The following BCAS3 variants were observed in gnomAD, a reference collection of about 807,000 sequenced individuals.
BCAS3 encodes BCAS3 microtubule associated cell migration factor, also known as BCAS4/BCAS3 fusion.
Under a neutral mutation model 116.1 loss-of-function variants are expected in BCAS3, and 53 were observed. The observed-to-expected ratio is 0.46, with a 90% CI of 0.37 to 0.57. The LOEUF is 0.57. Among genes scored for constraint, BCAS3 ranks in the 20% least tolerant of loss-of-function variants. BCAS3 has a pLI of 0.00. For synonymous variants in BCAS3, 391 were observed against 408.2 expected, an observed-to-expected ratio of 0.96 and a Z score of 0.51; for missense variants, 917 against 1,165.4, an observed-to-expected ratio of 0.79 and a Z score of 3.10.
At chr17:60,782,242 T>A (rs1208100501) in intron 6 of BCAS3, among the ~76,000 whole-genome samples, 1 of 152,228 alleles carries the variant, frequency 6.6e-6, no homozygotes, top group Non-Finnish European at 1.5e-5. Flanking sequence ...AATAATTGCC[T>A]GCTGTATTGA....
At chr17:61,067,822 T>G (rs2070888327) in intron 19 of BCAS3, among the ~76,000 whole-genome samples, 2 of 151,826 alleles carry the variant, frequency 1.3e-5, no homozygotes, top group African/African-American at 4.8e-5. Flanking sequence ...TAAGTGATTT[T>G]TTAGCTCTTA....
intron 22 of BCAS3, among the ~76,000 whole-genome samples, chr17:61,319,157 G>T (rs1029812609): frequency 3.3e-5 from 5 of 152,026 alleles, no homozygotes; most frequent in Non-Finnish European, 7.4e-5. Context: ...TCTACCCCGG[G>T]CCTACACCCC....
At chr17:61,091,341 C>T (rs568201736) in intron 22 of BCAS3, among the ~76,000 whole-genome samples, 4 of 152,188 alleles carry the variant, frequency 2.6e-5, no homozygotes, top group Admixed American at 2.6e-4. Context: ...TACTGTGCCT[C>T]TCATACAGGG....
intron 4 of BCAS3, among the ~76,000 whole-genome samples, chr17:60,690,909 G>C (rs535367177): frequency 1.3e-5 from 2 of 151,966 alleles, no homozygotes; most frequent in Admixed American, 1.3e-4. Flanking sequence ...GACAGAGCGA[G>C]ACTTTGTCTC....
rs571729108 is a variant in BCAS3 at position 60,717,495 on chromosome 17, C to T, written c.321+8170C>T. Among the ~76,000 whole-genome samples the T allele has an allele frequency of 1.1e-4, 17 of 152,178 alleles. No homozygotes were observed. The South Asian group carries it at 1.9e-3, about 17-fold the overall frequency. On this transcript the variant is annotated intron_variant, in intron 5 of 23. Transcript: ENST00000407086. ...CCTCCCAAAGTGCTGGGATTACAGGCGTGAGCCACCATGCCCGGCAGAATA... is the reference window on the plus strand; with the variant it reads ...CCTCCCAAAGTGCTGGGATTACAGGTGTGAGCCACCATGCCCGGCAGAATA...
chr17:61,070,063 G>T, intron 19 of BCAS3: 2 of 1,587,276 alleles, frequency 1.3e-6, no homozygotes, highest in Non-Finnish European at 1.7e-6. Flanking sequence ...TCGGAAGAGC[G>T]CTCCCAGGAG....
At chr17:61,264,828 C>T (rs1481000899) in intron 22 of BCAS3, among the ~76,000 whole-genome samples, 1 of 152,212 alleles carries the variant, frequency 6.6e-6, no homozygotes, top group Non-Finnish European at 1.5e-5. Flanking sequence ...AGAGAGATTT[C>T]AGCCCTATCT....
chr17:61,105,889 C>G lies in BCAS3; in HGVS notation c.2425+21325C>G, dbSNP rs1306919683. Among the ~76,000 whole-genome samples the G allele has an allele frequency of 6.6e-6, 1 of 152,060 alleles. No individual in the cohort carries two copies. Among genetic ancestry groups the G allele is most frequent in the Non-Finnish European group, 1.5e-5 (1 of 68,012 alleles). ...TTGGTGTTTTATTTAAAATATTGTC[C>G]AGAAATAAACAATTCATACATGTTC... On this transcript the variant is annotated intron_variant, in intron 22 of 23. Transcript: ENST00000407086. The surrounding 1 kb of genome is among the most constrained non-coding windows in gnomAD (Gnocchi z 4.3).
chr17:60,830,307 GTTTCTTTATGTT>G (rs2050801932), intron 7 of BCAS3, among the ~76,000 whole-genome samples: 1 of 152,104 alleles, frequency 6.6e-6, no homozygotes, highest in South Asian at 2.1e-4. Flanking sequence ...TTTAAATAGT[GTTTCTTTATGTT>G]TGAGAACTGT....
rs201778806 is a variant in BCAS3 at position 61,015,899 on chromosome 17, C to T, written c.1635C>T (p.Thr545=). 3.0e-5 allele frequency: 49 copies of T among 1,613,712 alleles called. No homozygotes were observed. The highest frequency in any genetic ancestry group is 1.7e-4 in the Middle Eastern group (1 of 6,060). The part of the protein sequence containing the change: ...PMTLGTITKR[T]GKVKPPPQIS... ...CATTGGGGACCATCACCAAACGAACCGGGTAAGGCCTTAGACTTGATGCTT... is the reference window on the plus strand; with the variant it reads ...CATTGGGGACCATCACCAAACGAACTGGGTAAGGCCTTAGACTTGATGCTT... Residue 545 remains threonine, a splice_region_variant and synonymous_variant, in exon 16 of 24, where the codon ACC becomes ACT. Coordinates refer to ENST00000407086, the MANE Select transcript of BCAS3 (RefSeq NM_017679.5).
rs377401245 is a variant in BCAS3 at position 60,898,681 on chromosome 17, T to G, written c.739-3939T>G. Among the ~76,000 whole-genome samples, 27 of 152,268 alleles carry G rather than the reference T, an allele frequency of 1.8e-4. No individual in the cohort carries two copies. The East Asian group carries it at 5.0e-3, about 28-fold the overall frequency. On this transcript the variant is annotated intron_variant, in intron 10 of 23. Transcript: ENST00000407086. The stretch of plus-strand genomic sequence containing the variant: ...TTACAAGTGGGCTGATTGTTGGTCT[T>G]CCAGGTAGCTTGCTTGGATGCTGGT...
At chr17:60,992,312 C>T (rs1253569958) in intron 15 of BCAS3, among the ~76,000 whole-genome samples, 2 of 151,340 alleles carry the variant, frequency 1.3e-5, no homozygotes, top group African/African-American at 4.9e-5. Flanking sequence ...AAAAATGGGA[C>T]CTCTTTTTAC....
chr17:61,334,664 C>CAAAAAAAAAAAAAAAAAAAAAAAAAAAA (rs35400660), intron 22 of BCAS3, among the ~76,000 whole-genome samples: 1 of 50,894 alleles, frequency 2.0e-5, no homozygotes, highest in Non-Finnish European at 3.9e-5. Context: ...AACTCCATCT[C>CAAAAAAAAAAAAAAAAAAAAAAAAAAAA]AAAAAAAAAA....
At chr17:60,850,826 G>A (rs1334100643) in intron 7 of BCAS3, among the ~76,000 whole-genome samples, 1 of 152,090 alleles carries the variant, frequency 6.6e-6, no homozygotes, top group Non-Finnish European at 1.5e-5. Flanking sequence ...AGATCTATAT[G>A]AGTAAAACAA....
At chr17:61,268,636 ACAATCTCGGCTCCTGGGTT>A (rs2049967101) in intron 22 of BCAS3, among the ~76,000 whole-genome samples, 1 of 151,564 alleles carries the variant, frequency 6.6e-6, no homozygotes. Flanking sequence ...AGGCTGGAGT[ACAATCTCGGCTCCTGGGTT>A]CATGCAATTC....
At position 60,928,593 on chromosome 17, in the gene BCAS3, C is replaced by A. The variant is rs77350110; in HGVS notation, c.1087+4093C>A. Among the ~76,000 whole-genome samples, 11 of 152,308 alleles carry A rather than the reference C, an allele frequency of 7.2e-5. No individual in the cohort carries two copies. In the East Asian group the frequency reaches 2.1e-3, roughly 29 times the overall value. Reference sequence around the variant, plus strand: ...ATAGTAGCTGGTAAGCAATTACTTACAATTCTTCTTAATTATTTACTTTCA... The same window carrying A: ...ATAGTAGCTGGTAAGCAATTACTTAAAATTCTTCTTAATTATTTACTTTCA... On this transcript the variant is annotated intron_variant, in intron 13 of 23. Transcript: ENST00000407086.
At chr17:61,263,735 A>T (rs2049424737) in intron 22 of BCAS3, among the ~76,000 whole-genome samples, 1 of 152,226 alleles carries the variant, frequency 6.6e-6, no homozygotes, top group African/African-American at 2.4e-5. Flanking sequence ...AACATGTATT[A>T]TAAAGCTGTA....
intron 6 of BCAS3, among the ~76,000 whole-genome samples, chr17:60,789,383 A>G (rs2144530575): frequency 6.6e-6 from 1 of 152,298 alleles, no homozygotes; most frequent in African/African-American, 2.4e-5. Context: ...TCTGACAAGG[A>G]AACGCTTTTG....
intron 5 of BCAS3, among the ~76,000 whole-genome samples, chr17:60,740,703 G>A (rs1360978245): frequency 6.6e-6 from 1 of 152,044 alleles, no homozygotes; most frequent in East Asian, 1.9e-4. Context: ...CCTCGAGTGA[G>A]ACAGAAAGGT....
Sources: gnomAD v4.1 joint callset for allele counts (sites outside exome capture counted in the v4.1 genomes callset) on GRCh38, gnomAD v4.1.1 for gene constraint, Gnocchi (gnomAD v3.1) non-coding constraint, MANE v1.5 for transcripts, NCBI Gene and HGNC (gene_info 2026-07-23, HGNC 2026-07-21) for gene names.